Variants in KAZN observed in about 807,000 individuals in gnomAD.
The protein encoded by KAZN is kazrin, periplakin interacting protein.
Under a neutral mutation model 87.4 loss-of-function variants are expected in KAZN, and 40 were observed. The ratio of observed to expected loss-of-function variants is 0.46; its 90% confidence interval spans 0.36 to 0.60. The LOEUF is 0.60. Among genes scored for constraint, KAZN ranks in the 20% least tolerant of loss-of-function variants. The pLI is 0.00. For missense variants in KAZN, 898 were observed against 1,073.9 expected, an observed-to-expected ratio of 0.84 and a Z score of 2.29; for synonymous variants, 466 against 458.3, an observed-to-expected ratio of 1.02 and a Z score of -0.22.
intron 2 of KAZN, among the ~76,000 whole-genome samples, chr1:14,199,207 C>G (rs956571919): frequency 6.6e-6 from 1 of 152,160 alleles, no homozygotes; most frequent in African/African-American, 2.4e-5. Flanking sequence ...GACTTCTAAG[C>G]CCCTATGCTA....
chr1:14,173,464 C>G (rs1363344449), intron 1 of KAZN, among the ~76,000 whole-genome samples: 1 of 152,166 alleles, frequency 6.6e-6, no homozygotes, highest in Admixed American at 6.5e-5. Flanking sequence ...GTGATGACTA[C>G]AAAGCCCACC....
chr1:14,555,516 AATCTAC>A (rs1441060547), intron 2 of KAZN, among the ~76,000 whole-genome samples: 1 of 152,226 alleles, frequency 6.6e-6, no homozygotes, highest in African/African-American at 2.4e-5. Context: ...AATTACATTG[AATCTAC>A]ATTTCAAGAT....
chr1:14,132,524 C>T (rs764603597), intron 1 of KAZN, among the ~76,000 whole-genome samples: 13 of 152,118 alleles, frequency 8.5e-5, no homozygotes, highest in South Asian at 2.1e-4. Context: ...AAGGTGGGTA[C>T]GGAAGCTGCT....
At chr1:14,600,995 A>G (rs993753948) in intron 1 of KAZN, among the ~76,000 whole-genome samples, 1 of 152,228 alleles carries the variant, frequency 6.6e-6, no homozygotes, top group Non-Finnish European at 1.5e-5. Flanking sequence ...GTGGAGCAAC[A>G]GGGGGCTGAT....
chr1:14,631,292 G>C (rs1679543445), intron 1 of KAZN, among the ~76,000 whole-genome samples: 1 of 152,204 alleles, frequency 6.6e-6, no homozygotes, highest in Admixed American at 6.5e-5. Flanking sequence ...TATGAGCCAG[G>C]AAACAGTGAA....
intron 2 of KAZN, among the ~76,000 whole-genome samples, chr1:14,295,598 T>A (rs1025323745): frequency 1.3e-5 from 2 of 151,846 alleles, no homozygotes; most frequent in African/African-American, 4.8e-5. Flanking sequence ...CACAAACCCA[T>A]GTGCACCAAA....
intron 1 of KAZN, among the ~76,000 whole-genome samples, chr1:14,619,430 G>A (rs1243813511): frequency 6.6e-6 from 1 of 152,038 alleles, no homozygotes; most frequent in Non-Finnish European, 1.5e-5. Flanking sequence ...TGAACTCCTG[G>A]CCTCAAGCAA....
chr1:14,717,359 G>A (rs992869607), intron 1 of KAZN, among the ~76,000 whole-genome samples: 4 of 152,002 alleles, frequency 2.6e-5, no homozygotes, highest in Admixed American at 2.0e-4. Flanking sequence ...TGGAAAGAGG[G>A]TCTGGAGGCC....
chr1:14,448,462 T>A (rs1667101641), intron 2 of KAZN, among the ~76,000 whole-genome samples: 1 of 152,244 alleles, frequency 6.6e-6, no homozygotes, highest in Admixed American at 6.5e-5. Context: ...CCAAGATGAA[T>A]CTGCAGAGTA....
intron 1 of KAZN, among the ~76,000 whole-genome samples, chr1:14,712,195 C>T (rs1351958919): frequency 6.6e-6 from 1 of 152,128 alleles, no homozygotes; most frequent in Non-Finnish European, 1.5e-5. Context: ...TTGCATGTTG[C>T]ATTTAAAAGA....
Position 14,837,528 on chromosome 1 carries a change from C to T in KAZN, c.227-123156C>T, listed in dbSNP as rs1410071227. Among the ~76,000 whole-genome samples, 5 of 148,354 alleles carry T rather than the reference C, an allele frequency of 3.4e-5. No individual in the cohort carries two copies. The South Asian group carries it at 1.1e-3, about 32-fold the overall frequency. On this transcript the variant is annotated intron_variant, in intron 1 of 14. Coordinates refer to ENST00000376030, the MANE Select transcript of KAZN (RefSeq NM_201628.3). ...CCTGTTGTTTTATGTCAGTGTAGTTCATTCATTCCCATAGCTGTATAATTT... is the reference window on the plus strand; with the variant it reads ...CCTGTTGTTTTATGTCAGTGTAGTTTATTCATTCCCATAGCTGTATAATTT...
intron 1 of KAZN, among the ~76,000 whole-genome samples, chr1:14,687,101 A>T (rs774605565): frequency 3.9e-5 from 6 of 152,084 alleles, no homozygotes; most frequent in Admixed American, 6.5e-5. Flanking sequence ...AAATTGACCA[A>T]CTTATACTAT....
chr1:13,964,115 A>G (rs1162328873), intron 1 of KAZN, among the ~76,000 whole-genome samples: 3 of 152,136 alleles, frequency 2.0e-5, no homozygotes, highest in Admixed American at 2.0e-4. Context: ...CTTGAAAATT[A>G]TTTACTGAGT....
chr1:14,698,137 C>T (rs984118050), intron 1 of KAZN, among the ~76,000 whole-genome samples: 7 of 152,178 alleles, frequency 4.6e-5, no homozygotes, highest in Non-Finnish European at 1.0e-4. Flanking sequence ...TCCTAGGGAA[C>T]GGGTGTGAAT....
At chr1:14,528,319 CAG>C in intron 2 of KAZN, among the ~76,000 whole-genome samples, 1 of 95,184 alleles carries the variant, frequency 1.1e-5, no homozygotes, top group East Asian at 3.5e-4. Flanking sequence ...GCCTGGGTGA[CAG>C]AGCAAGACTC....
At chr1:14,032,318 T>C (rs2101339630) in intron 1 of KAZN, among the ~76,000 whole-genome samples, 1 of 152,338 alleles carries the variant, frequency 6.6e-6, no homozygotes, top group East Asian at 1.9e-4. Context: ...CCTTGTTATC[T>C]TCAAGATACA....
intron 1 of KAZN, among the ~76,000 whole-genome samples, chr1:14,050,651 C>T (rs1206269138): frequency 1.3e-5 from 2 of 152,174 alleles, no homozygotes; most frequent in East Asian, 1.9e-4. Context: ...GATTACAATT[C>T]GAGATGAGAT....
At chr1:14,035,282 C>T (rs538276246) in intron 1 of KAZN, among the ~76,000 whole-genome samples, 13 of 151,898 alleles carry the variant, frequency 8.6e-5, no homozygotes, top group Non-Finnish European at 1.5e-4. Flanking sequence ...TGAGGATGTA[C>T]GATTTCTCTA....
chr1:14,094,617 G>C (rs780591842), intron 1 of KAZN, among the ~76,000 whole-genome samples: 2 of 152,224 alleles, frequency 1.3e-5, no homozygotes, highest in East Asian at 3.9e-4. Context: ...AATTTTAGAA[G>C]TAATATGACA....
Sources: gnomAD v4.1 joint callset for allele counts (sites outside exome capture counted in the v4.1 genomes callset) on GRCh38, gnomAD v4.1.1 for gene constraint, MANE v1.5 for transcripts, NCBI Gene and HGNC (gene_info 2026-07-23, HGNC 2026-07-21) for gene names.